The following REEP3 variants were observed in gnomAD, a reference collection of about 807,000 sequenced individuals.
The protein encoded by REEP3 is receptor accessory protein 3.
REEP3 carries 20 observed loss-of-function variants against 41.3 expected under a neutral mutation model. That is an observed-to-expected ratio of 0.48 (90% CI 0.34 to 0.70). The LOEUF (loss-of-function observed/expected upper bound fraction) is 0.70. Ranked by LOEUF, REEP3 falls within the 30% of genes least tolerant of loss-of-function variation. REEP3 has a pLI of 0.01. For missense variants in REEP3, 271 were observed against 308.8 expected (o/e 0.88, Z 0.92); for synonymous variants, 104 against 101.8 (o/e 1.02, Z -0.13).
intron 5 of REEP3, among the ~76,000 whole-genome samples, chr10:63,607,156 A>G (rs1405990358): frequency 6.6e-6 from 1 of 152,226 alleles, no homozygotes; most frequent in Non-Finnish European, 1.5e-5. Context: ...AAAGTCCACA[A>G]TATTGCACCA....
chr10:63,570,941 C>T (rs1292061987), intron 2 of REEP3, among the ~76,000 whole-genome samples: 2 of 152,082 alleles, frequency 1.3e-5, no homozygotes, highest in Non-Finnish European at 1.5e-5. Flanking sequence ...ATGGTAAAAC[C>T]CCATCTCTAC....
chr10:63,525,961 A>G (rs890667472), intron 1 of REEP3, among the ~76,000 whole-genome samples: 4 of 152,196 alleles, frequency 2.6e-5, no homozygotes, highest in Admixed American at 1.3e-4. Flanking sequence ...ATACATTACT[A>G]TATGTAATGT....
rs1485536107 is a variant in REEP3, at chr10:63,625,097, A to G, written c.*4228A>G. The G allele has an allele frequency of 1.3e-5, 2 of 152,180 alleles. No homozygotes were observed. Among genetic ancestry groups the G allele is most frequent in the Non-Finnish European group, 2.9e-5 (2 of 67,984 alleles). The allele number at this position is 152,180 out of a possible 1,614,324, so 9.4% of individuals were successfully genotyped here. A position where few individuals can be genotyped will look rare whatever the true frequency, so the allele number is the denominator to read the frequency against. Reference sequence around the variant, plus strand: ...ATACTTGTAATGATCTAAAGAGGTTAGAAATATAAATAAAAATTCAAAAGA... The same window carrying G: ...ATACTTGTAATGATCTAAAGAGGTTGGAAATATAAATAAAAATTCAAAAGA... On this transcript the variant is annotated 3_prime_UTR_variant, in exon 8 of 8. Transcript: ENST00000373758.
At chr10:63,611,355 A>T (rs1956275917) in intron 6 of REEP3, among the ~76,000 whole-genome samples, 1 of 152,244 alleles carries the variant, frequency 6.6e-6, no homozygotes, top group South Asian at 2.1e-4. Flanking sequence ...ATAAAAGATG[A>T]CTCAATTTGA....
rs754748806 is a variant in REEP3, at chr10:63,598,049, A to G, written c.208A>G (p.Ile70Val). 7 of 1,612,458 alleles carry G rather than the reference A, an allele frequency of 4.3e-6. No homozygotes were observed. The Admixed American group carries it at 1.0e-4, about 23-fold the overall frequency. ...GTTTCCCCTGTACTATGAGCTGAAGATTGCTTTTGTCATATGGCTGCTTTC... is the reference window on the plus strand; with the variant it reads ...GTTTCCCCTGTACTATGAGCTGAAGGTTGCTTTTGTCATATGGCTGCTTTC... ...AWFPLYYELK[I>V]AFVIWLLSPY... Residue 70 changes from isoleucine to valine, a missense_variant, in exon 4 of 8, where the codon ATT (isoleucine) becomes GTT (valine). Physicochemically the swap from Ile to Val is conservative, Grantham distance 29. Coordinates refer to ENST00000373758, the MANE Select transcript of REEP3 (RefSeq NM_001001330.3).
intron 1 of REEP3, among the ~76,000 whole-genome samples, chr10:63,522,464 C>T (rs763869753): frequency 6.6e-6 from 1 of 151,606 alleles, no homozygotes; most frequent in Non-Finnish European, 1.5e-5. Context: ...TCCATTTTAC[C>T]CCTCTCCCCG....
intron 1 of REEP3, among the ~76,000 whole-genome samples, chr10:63,556,860 C>T (rs1299348212): frequency 1.3e-5 from 2 of 151,326 alleles, no homozygotes; most frequent in Admixed American, 1.3e-4. Context: ...TGGTCTCGAT[C>T]TCCTGACCTC....
At chr10:63,565,370 C>T (rs16918608) in intron 1 of REEP3, among the ~76,000 whole-genome samples, 5,625 of 152,236 alleles carry the variant, frequency 0.037, 342 homozygotes, top group East Asian at 0.29. Flanking sequence ...TATACTGTGT[C>T]GTGAGATTTC....
At chr10:63,584,132 C>G (rs548835220) in intron 2 of REEP3, among the ~76,000 whole-genome samples, 1 of 152,216 alleles carries the variant, frequency 6.6e-6, no homozygotes, top group Non-Finnish European at 1.5e-5. Context: ...TATATACAGT[C>G]GGCCCCATTT....
At chr10:63,571,083 C>T (rs1488341502) in intron 2 of REEP3, among the ~76,000 whole-genome samples, 2 of 152,102 alleles carry the variant, frequency 1.3e-5, no homozygotes, top group African/African-American at 4.8e-5. Flanking sequence ...CCACTGCACT[C>T]CAGCCTGGAT....
chr10:63,530,785 T>C (rs1955413808), intron 1 of REEP3, among the ~76,000 whole-genome samples: 1 of 152,212 alleles, frequency 6.6e-6, no homozygotes, highest in African/African-American at 2.4e-5. Flanking sequence ...ATTACAACAA[T>C]AGTGGCATAA....
In REEP3 at chr10:63,590,779, A is replaced by C. The variant is rs189976115; in HGVS notation, c.106-3999A>C. ...ATTGTTCTTGTGAAGATATCTAAAC[A>C]ACAGTTTGTTGATTTTACCAATTGT... is the stretch of plus-strand genomic sequence containing the variant. On this transcript the variant is annotated intron_variant, in intron 2 of 7. Coordinates refer to ENST00000373758, the MANE Select transcript of REEP3 (RefSeq NM_001001330.3). Among the ~76,000 whole-genome samples, 248 of 152,346 alleles carry C rather than the reference A, an allele frequency of 1.6e-3. 2 individuals are homozygous for C. The highest frequency in any genetic ancestry group is 1.9e-3 in the Non-Finnish European group (132 of 68,024).
At chr10:63,556,638 T>TTG (rs1955688018) in intron 1 of REEP3, among the ~76,000 whole-genome samples, 1 of 85,336 alleles carries the variant, frequency 1.2e-5, no homozygotes, top group African/African-American at 4.2e-5. Flanking sequence ...TGTTTTGTTT[T>TTG]TTTTTTTTTT....
chr10:63,545,390 T>G (rs1432124605), intron 1 of REEP3, among the ~76,000 whole-genome samples: 1 of 152,216 alleles, frequency 6.6e-6, no homozygotes, highest in Non-Finnish European at 1.5e-5. Flanking sequence ...TTTATTTATT[T>G]TTTTTGATGG....
At position 63,622,705 on chromosome 10, in the gene REEP3, C is replaced by CTTTTTTTTTTTTT. The variant is rs67568146; in HGVS notation, c.*1844_*1856dup. ...TGGGAGCTGATTTGCACCATTTTAC[C>CTTTTTTTTTTTTT]TTTTTTTTTTTTTTTTTTTTGAGAC... On this transcript the variant is annotated 3_prime_UTR_variant, in exon 8 of 8. Transcript: ENST00000373758. 6.9e-3 allele frequency: 808 copies of CTTTTTTTTTTTTT among 116,506 alleles called. 50 individuals are homozygous for CTTTTTTTTTTTTT. Among genetic ancestry groups the CTTTTTTTTTTTTT allele is most frequent in the African/African-American group, 0.027 (760 of 27,998 alleles). 7.2% of individuals were successfully genotyped at this position (116,506 alleles called of 1,614,324 possible). A position where few individuals can be genotyped will look rare whatever the true frequency, so the allele number is the denominator to read the frequency against.
chr10:63,574,054 C>T (rs1955876647), intron 2 of REEP3, among the ~76,000 whole-genome samples: 1 of 152,094 alleles, frequency 6.6e-6, no homozygotes, highest in African/African-American at 2.4e-5. Context: ...ACAGTAGTTC[C>T]CCAGGCTCCC....
intron 3 of REEP3, among the ~76,000 whole-genome samples, chr10:63,596,981 G>T (rs1165199264): frequency 6.6e-6 from 1 of 152,216 alleles, no homozygotes; most frequent in South Asian, 2.1e-4. Context: ...TCTCATGCCA[G>T]AAGGCAAAAG....
At chr10:63,548,856 A>G (rs2133358599) in intron 1 of REEP3, among the ~76,000 whole-genome samples, 1 of 152,358 alleles carries the variant, frequency 6.6e-6, no homozygotes, top group Middle Eastern at 3.4e-3. Flanking sequence ...AACATGGTCA[A>G]CCAAAAACTT....
intron 6 of REEP3, among the ~76,000 whole-genome samples, chr10:63,611,649 TTTAC>T (rs1164913603): frequency 3.3e-5 from 5 of 151,992 alleles, no homozygotes; most frequent in African/African-American, 1.2e-4. Flanking sequence ...ACAGGGCTAT[TTTAC>T]TTTTTATTAA....
Sources: gnomAD v4.1 joint callset for allele counts (sites outside exome capture counted in the v4.1 genomes callset) on GRCh38, gnomAD v4.1.1 for gene constraint, MANE v1.5 for transcripts, NCBI Gene and HGNC (gene_info 2026-07-23, HGNC 2026-07-21) for gene names.